The following ST18 variants were observed in gnomAD, a reference collection of about 807,000 sequenced individuals.
ST18 encodes the protein suppression of tumorigenicity 18 protein.
Under a neutral mutation model 110.0 loss-of-function variants are expected in ST18, and 50 were observed. The observed-to-expected ratio is 0.45, with a 90% CI of 0.36 to 0.58. The LOEUF (loss-of-function observed/expected upper bound fraction) is 0.58, where lower values mean the gene tolerates loss of function less well. Among genes scored for constraint, ST18 ranks in the 20% least tolerant of loss-of-function variants. The pLI, the probability that ST18 is intolerant of heterozygous loss-of-function variation, is 0.00. For synonymous variants in ST18, 461 were observed against 452.4 expected (o/e 1.02, Z -0.24); for missense variants, 1,306 against 1,280.1 (o/e 1.02, Z -0.31).
chr8:52,114,245 C>G (rs1484118220), intron 25 of ST18, among the ~76,000 whole-genome samples: 1 of 152,152 alleles, frequency 6.6e-6, no homozygotes, highest in Non-Finnish European at 1.5e-5. Flanking sequence ...GCTGGGATTA[C>G]AGGTGTGAGC....
At chr8:52,326,092 A>T (rs936724939) in intron 2 of ST18, among the ~76,000 whole-genome samples, 1 of 152,250 alleles carries the variant, frequency 6.6e-6, no homozygotes, top group Non-Finnish European at 1.5e-5. Context: ...CAAAGCATAG[A>T]GAAAAATTTG....
intron 2 of ST18, among the ~76,000 whole-genome samples, chr8:52,287,458 T>A (rs1471827574): frequency 6.6e-6 from 1 of 152,150 alleles, no homozygotes; most frequent in Non-Finnish European, 1.5e-5. Context: ...CCTTTAGAGC[T>A]AGAAACAAGC....
chr8:52,318,882 A>G (rs2096074325), intron 2 of ST18, among the ~76,000 whole-genome samples: 1 of 147,070 alleles, frequency 6.8e-6, no homozygotes, highest in African/African-American at 2.5e-5. Flanking sequence ...GAACACATGG[A>G]CACATGGGGG....
intron 2 of ST18, among the ~76,000 whole-genome samples, chr8:52,292,557 C>T (rs2095572310): frequency 6.6e-6 from 1 of 152,216 alleles, no homozygotes; most frequent in Non-Finnish European, 1.5e-5. Context: ...TCTTTACATT[C>T]TGAACTCTGA....
intron 2 of ST18, among the ~76,000 whole-genome samples, chr8:52,307,722 C>G (rs1276154897): frequency 6.6e-6 from 1 of 152,138 alleles, no homozygotes. Context: ...CCCAGACATG[C>G]AGTTTTTAAT....
At chr8:52,136,717 A>T in intron 18 of ST18, 59 bp from the exon 19 acceptor site, 2 of 1,427,126 alleles carry the variant, frequency 1.4e-6, no homozygotes, top group Non-Finnish European at 1.9e-6. Context: ...ATCTGAGTCA[A>T]ATGGCATCCT....
intron 2 of ST18, among the ~76,000 whole-genome samples, chr8:52,311,631 T>C (rs558430903): frequency 2.0e-5 from 3 of 152,312 alleles, no homozygotes; most frequent in African/African-American, 4.8e-5. Context: ...CTTACAATCA[T>C]GGCAGAAGGG....
chr8:52,397,081 T>A (rs11986596), intron 2 of ST18, among the ~76,000 whole-genome samples: 8,159 of 152,284 alleles, frequency 0.054, 726 homozygotes, highest in African/African-American at 0.18. Flanking sequence ...AATGGCTGTA[T>A]CAATCTACAA....
intron 2 of ST18, among the ~76,000 whole-genome samples, chr8:52,289,254 G>A (rs2095517301): frequency 6.6e-6 from 1 of 152,226 alleles, no homozygotes; most frequent in Non-Finnish European, 1.5e-5. Context: ...GGCCAAGGCA[G>A]TGGGAGACCA....
intron 8 of ST18, among the ~76,000 whole-genome samples, chr8:52,189,879 A>G (rs751308791): frequency 2.6e-5 from 4 of 152,206 alleles, no homozygotes; most frequent in Non-Finnish European, 4.4e-5. Context: ...ATTGGTGCAG[A>G]TACATATTGG....
chr8:52,311,744 C>G (rs2095915801), intron 2 of ST18, among the ~76,000 whole-genome samples: 1 of 152,144 alleles, frequency 6.6e-6, no homozygotes, highest in South Asian at 2.1e-4. Context: ...TGATAACTCA[C>G]TCACTATCAT....
At chr8:52,126,532 C>T (rs1380215559) in intron 22 of ST18, among the ~76,000 whole-genome samples, 1 of 152,142 alleles carries the variant, frequency 6.6e-6, no homozygotes, top group African/African-American at 2.4e-5. Flanking sequence ...GTCAAAATTC[C>T]ATGAGTAATA....
intron 22 of ST18, among the ~76,000 whole-genome samples, chr8:52,130,131 G>GAAAGAAAGAAAGAAAGAA (rs2048852996): frequency 7.2e-6 from 1 of 137,954 alleles, no homozygotes; most frequent in Non-Finnish European, 1.5e-5. Context: ...AAGAAAGAAA[G>GAAAGAAAGAAAGAAAGAA]AAAGAAAGAA....
intron 9 of ST18, among the ~76,000 whole-genome samples, chr8:52,178,904 G>C (rs16917386): frequency 0.014 from 2,157 of 152,032 alleles, 60 homozygotes; most frequent in African/African-American, 0.05. Context: ...CTGGATCTAG[G>C]ATGATTCTGA....
rs577655443 is a variant in ST18 at position 52,282,873 on chromosome 8, A to T, written c.-464-52796T>A. On this transcript the variant is annotated intron_variant, in intron 2 of 25. Coordinates refer to ENST00000689386, the MANE Select transcript of ST18 (RefSeq NM_001352837.2). ...AGATGCAAGACCTTGGATGGTAAGGAATTGGCTTTCTCACCCAAGAGAACG... is the reference window on the plus strand; with the variant it reads ...AGATGCAAGACCTTGGATGGTAAGGTATTGGCTTTCTCACCCAAGAGAACG... 1.8e-4 allele frequency among the ~76,000 whole-genome samples: 28 copies of T among 152,102 alleles called. 1 individual carries two copies. The South Asian group carries it at 5.4e-3, about 29-fold the overall frequency.
intron 15 of ST18, among the ~76,000 whole-genome samples, chr8:52,151,815 C>A (rs1026011317): frequency 1.3e-5 from 2 of 152,174 alleles, no homozygotes; most frequent in African/African-American, 4.8e-5. Context: ...GACTGCACAA[C>A]CAACATTCAC....
At chr8:52,204,991 C>T (rs2079424954) in intron 8 of ST18, among the ~76,000 whole-genome samples, 2 of 151,902 alleles carry the variant, frequency 1.3e-5, no homozygotes, top group South Asian at 4.2e-4. Context: ...TTCATTAGCT[C>T]CGTAGTATTT....
At chr8:52,271,622 C>A (rs899452200) in intron 2 of ST18, among the ~76,000 whole-genome samples, 2 of 152,178 alleles carry the variant, frequency 1.3e-5, no homozygotes, top group African/African-American at 4.8e-5. Flanking sequence ...TCCACCCATG[C>A]GTTATTAATA....
In ST18 at chr8:52,142,915, T is replaced by C. The variant is rs774898463; in HGVS notation, c.2168+15A>G. 1.7e-5 allele frequency: 27 copies of C among 1,565,494 alleles called. No individual in the cohort carries two copies. In the South Asian group the frequency reaches 2.6e-4, roughly 15 times the overall value. On this transcript the variant is annotated intron_variant, in intron 17 of 25. Transcript: ENST00000689386. ...TTCCAGAATCTTAGAGGGCATGGCA[T>C]TGGGCACCACTTACGTGATTAGTTC...
Sources: allele counts gnomAD v4.1 joint callset (sites outside exome capture counted in the v4.1 genomes callset), GRCh38; gene constraint gnomAD v4.1.1; transcripts MANE v1.5; gene names NCBI Gene and HGNC (gene_info 2026-07-23, HGNC 2026-07-21).